IL1RAPL2: variants seen among roughly 807,000 people sequenced by gnomAD.
The protein encoded by IL1RAPL2 is X-linked interleukin-1 receptor accessory protein-like 2.
A neutral mutation model predicts 44.1 loss-of-function variants in IL1RAPL2; 3 were observed. The observed-to-expected ratio is 0.07, with a 90% CI of 0.03 to 0.18. IL1RAPL2 has a LOEUF of 0.18. IL1RAPL2 is among the 10% of genes least tolerant of loss of function. The pLI, the probability that IL1RAPL2 is intolerant of heterozygous loss-of-function variation, is 1.00. For missense variants in IL1RAPL2, 391 were observed against 496.4 expected (o/e 0.79, Z 2.02); for synonymous variants, 181 against 178.8 (o/e 1.01, Z -0.10).
At chrX:104,904,286 T>C (rs1923909708) in intron 2 of IL1RAPL2, among the ~76,000 whole-genome samples, 1 of 110,609 alleles carries the variant, frequency 9.0e-6, no homozygotes, top group Non-Finnish European at 1.9e-5. Context: ...TATGTAGTTT[T>C]CTTTTTAAAT....
intron 6 of IL1RAPL2, among the ~76,000 whole-genome samples, chrX:105,695,890 A>T (rs1020211683): frequency 8.9e-6 from 1 of 112,255 alleles, no homozygotes; most frequent in Non-Finnish European, 1.9e-5. Context: ...CCATGTTCTT[A>T]GTCAATTGCT....
chrX:105,071,120 A>G (rs1003056889), intron 2 of IL1RAPL2, among the ~76,000 whole-genome samples: 1 of 111,644 alleles, frequency 9.0e-6, no homozygotes, highest in Non-Finnish European at 1.9e-5. Flanking sequence ...TGTAGACAAC[A>G]AGATCATATA....
At chrX:105,054,629 A>C (rs1346433363) in intron 2 of IL1RAPL2, among the ~76,000 whole-genome samples, 5 of 112,020 alleles carry the variant, frequency 4.5e-5, no homozygotes, top group African/African-American at 1.6e-4. Flanking sequence ...ATTTTAAAAA[A>C]GTCTCAGTTT....
intron 2 of IL1RAPL2, among the ~76,000 whole-genome samples, chrX:104,993,925 C>T (rs939715268): frequency 4.5e-5 from 5 of 111,725 alleles, no homozygotes; most frequent in African/African-American, 1.3e-4. Flanking sequence ...AAATTATCAG[C>T]TAAGAAGATG....
intron 5 of IL1RAPL2, among the ~76,000 whole-genome samples, chrX:105,449,200 C>T (rs1466443365): frequency 1.8e-5 from 2 of 111,129 alleles, no homozygotes; most frequent in Non-Finnish European, 1.9e-5. Context: ...GGAAGGCTTT[C>T]TAGGTATTCA....
At chrX:105,129,739 A>G (rs1464291243) in intron 2 of IL1RAPL2, among the ~76,000 whole-genome samples, 1 of 110,813 alleles carries the variant, frequency 9.0e-6, no homozygotes, top group African/African-American at 3.3e-5. Flanking sequence ...CTATTGTGAA[A>G]TAGGTGATCC....
At chrX:104,881,416 T>C (rs1923067290) in intron 2 of IL1RAPL2, among the ~76,000 whole-genome samples, 1 of 112,106 alleles carries the variant, frequency 8.9e-6, no homozygotes, top group African/African-American at 3.2e-5. Context: ...TTTCTAATTA[T>C]TTATCTGCTT....
chrX:105,633,839 A>G (rs778418594), intron 6 of IL1RAPL2, among the ~76,000 whole-genome samples: 4 of 111,580 alleles, frequency 3.6e-5, no homozygotes, highest in Non-Finnish European at 5.7e-5. Context: ...ATTTGAGCCT[A>G]GGGAGAAAAT....
chrX:104,583,563 T>A (rs1460777427), intron 1 of IL1RAPL2, among the ~76,000 whole-genome samples: 1 of 112,448 alleles, frequency 8.9e-6, no homozygotes, highest in Non-Finnish European at 1.9e-5. Flanking sequence ...ATCCATTTTG[T>A]AGCAGGTGTA....
chrX:104,571,098 A>G (rs1482783039), intron 1 of IL1RAPL2, among the ~76,000 whole-genome samples: 3 of 111,133 alleles, frequency 2.7e-5, no homozygotes, highest in African/African-American at 9.8e-5. Context: ...TGTCTCTAGA[A>G]TAGGTTTTCT....
At chrX:105,561,860 A>G (rs1015562549) in intron 6 of IL1RAPL2, among the ~76,000 whole-genome samples, 5 of 112,138 alleles carry the variant, frequency 4.5e-5, no homozygotes, top group Non-Finnish European at 9.4e-5. Flanking sequence ...GGTTTTGCAT[A>G]GAAAAGGGAA....
intron 5 of IL1RAPL2, chrX:105,405,750 A>G (rs1157249028): frequency 1.0e-6 from 1 of 984,533 alleles, no homozygotes; most frequent in Non-Finnish European, 1.4e-6. Context: ...GTCCTACTTC[A>G]ACACTCAGCA....
chrX:105,276,649 G>T (rs1569417078), intron 5 of IL1RAPL2, among the ~76,000 whole-genome samples: 3 of 112,157 alleles, frequency 2.7e-5, no homozygotes, highest in Non-Finnish European at 5.6e-5. Context: ...TCCGTAAATT[G>T]TAAAGCACTC....
intron 5 of IL1RAPL2, among the ~76,000 whole-genome samples, chrX:105,374,744 C>A (rs1006910936): frequency 3.7e-5 from 4 of 109,274 alleles, no homozygotes. Context: ...GTCAGGAGAT[C>A]GAGACCATCC....
At chrX:105,003,739 C>T (rs778055602) in intron 2 of IL1RAPL2, among the ~76,000 whole-genome samples, 1 of 110,151 alleles carries the variant, frequency 9.1e-6, no homozygotes, top group East Asian at 2.9e-4. Flanking sequence ...TGTCCATTCA[C>T]GCTTGTTACT....
intron 5 of IL1RAPL2, among the ~76,000 whole-genome samples, chrX:105,281,981 G>T (rs2034536080): frequency 9.3e-6 from 1 of 107,086 alleles, no homozygotes; most frequent in South Asian, 3.8e-4. Flanking sequence ...TACAGAGCTT[G>T]AATGGAAAAA....
intron 5 of IL1RAPL2, among the ~76,000 whole-genome samples, chrX:105,307,313 A>G (rs1369272549): frequency 1.1e-5 from 1 of 94,043 alleles, no homozygotes; most frequent in Admixed American, 1.3e-4. Context: ...ACACATGCCT[A>G]TAGTCCCAAC....
At chrX:104,708,624 A>T (rs1931401437) in intron 2 of IL1RAPL2, among the ~76,000 whole-genome samples, 1 of 111,393 alleles carries the variant, frequency 9.0e-6, no homozygotes, top group Admixed American at 9.6e-5. Flanking sequence ...TATTTACTAG[A>T]TATTGCATCA....
chrX:105,286,098 A>G (rs184095511), intron 5 of IL1RAPL2, among the ~76,000 whole-genome samples: 64 of 111,744 alleles, frequency 5.7e-4, no homozygotes, highest in Admixed American at 1.0e-3. Context: ...TGAATATTAA[A>G]GTTTATTAGT....
Sources: gnomAD v4.1 joint callset for allele counts (sites outside exome capture counted in the v4.1 genomes callset) on GRCh38, gnomAD v4.1.1 for gene constraint, MANE v1.5 for transcripts, NCBI Gene and HGNC (gene_info 2026-07-23, HGNC 2026-07-21) for gene names.